The following IPO5 variants were observed in gnomAD, a reference collection of about 807,000 sequenced individuals.
IPO5 encodes importin-5.
Under a neutral mutation model 143.3 loss-of-function variants are expected in IPO5, and 18 were observed. That is an observed-to-expected ratio of 0.13 (90% CI 0.09 to 0.19). IPO5 has a LOEUF of 0.19. Ranked by LOEUF, IPO5 falls within the 10% of genes least tolerant of loss-of-function variation. IPO5 has a pLI of 1.00. For synonymous variants in IPO5, 477 were observed against 465.7 expected (o/e 1.02, Z -0.31); for missense variants, 1,013 against 1,336.9 (o/e 0.76, Z 3.78).
intron 27 of IPO5, 141 bp downstream of exon 27, chr13:98,019,950 T>C: frequency 1.7e-6 from 1 of 572,820 alleles, no homozygotes; most frequent in Non-Finnish European, 3.1e-6. Flanking sequence ...AGTGCTGTCT[T>C]TATAAATCAT....
intron 22 of IPO5, 97 bp downstream of exon 22, chr13:98,014,311 T>C: frequency 4.6e-6 from 4 of 863,270 alleles, no homozygotes; most frequent in Middle Eastern, 2.7e-4. Context: ...AGGGTATTGC[T>C]CTGTCACCCA....
At chr13:98,005,894 AT>A (rs1316926829) in intron 16 of IPO5, among the ~76,000 whole-genome samples, 1 of 152,178 alleles carries the variant, frequency 6.6e-6, no homozygotes, top group Non-Finnish European at 1.5e-5. Flanking sequence ...TGAGACTAAC[AT>A]GAGTTAGAGG....
intron 9 of IPO5, among the ~76,000 whole-genome samples, chr13:97,991,218 A>G (rs1887772309): frequency 6.6e-6 from 1 of 152,176 alleles, no homozygotes; most frequent in Non-Finnish European, 1.5e-5. Flanking sequence ...ATAATTTTTT[A>G]GAATATTAAT....
intron 21 of IPO5, among the ~76,000 whole-genome samples, chr13:98,013,038 C>T (rs1889843840): frequency 6.6e-6 from 1 of 151,866 alleles, no homozygotes; most frequent in South Asian, 2.1e-4. Flanking sequence ...AGCACCTTTG[C>T]GGGGAAACAT....
chr13:98,015,818 C>T (rs371603237), intron 24 of IPO5, 37 bp downstream of exon 24: 36 of 1,377,958 alleles, frequency 2.6e-5, no homozygotes, highest in Non-Finnish European at 3.2e-5. Context: ...TACGTGACCA[C>T]TTGCATCTGA....
chr13:98,008,995 TG>T (rs1416663415), intron 18 of IPO5, among the ~76,000 whole-genome samples: 4 of 152,230 alleles, frequency 2.6e-5, no homozygotes, highest in Admixed American at 2.0e-4. Context: ...ATGTTTTGTA[TG>T]TACAGAGATA....
At chr13:98,002,834 C>A in intron 15 of IPO5, 30 bp from the exon 16 acceptor site, 1 of 1,600,704 alleles carries the variant, frequency 6.2e-7, no homozygotes. Context: ...GACATTTCAA[C>A]ATGTGTGCCC....
At chr13:97,985,994 G>A (rs958504534) in intron 6 of IPO5, among the ~76,000 whole-genome samples, 1 of 152,062 alleles carries the variant, frequency 6.6e-6, no homozygotes, top group Admixed American at 6.6e-5. Flanking sequence ...TGCACCTGTA[G>A]TCCCAGTTAC....
chr13:98,006,718 G>C (rs1299101580), intron 17 of IPO5, among the ~76,000 whole-genome samples: 4 of 151,996 alleles, frequency 2.6e-5, no homozygotes, highest in Non-Finnish European at 5.9e-5. Flanking sequence ...ACTTGGCTGT[G>C]GAGGCATTGA....
intron 4 of IPO5, among the ~76,000 whole-genome samples, chr13:97,977,462 C>A (rs888477754): frequency 6.6e-6 from 1 of 152,312 alleles, no homozygotes; most frequent in South Asian, 2.1e-4. Context: ...AATACACTTA[C>A]TCTGCTCTTC....
chr13:97,992,903 C>T lies in IPO5; in HGVS notation c.681C>T (p.Asp227=), dbSNP rs1251196711. ...TTCATCTTTTCTAGGCGGTAAATGACTCGTGCTACCAGAATGATGATTCTG... is the reference window on the plus strand; with the variant it reads ...TTCATCTTTTCTAGGCGGTAAATGATTCGTGCTACCAGAATGATGATTCTG... ...LLPGFLQAVN[D]SCYQNDDSVL... is the part of the protein sequence containing the mutation. Residue 227 remains aspartate (D), a synonymous_variant, in exon 10 of 29, where the codon GAC becomes GAT. Transcript: ENST00000651721. 1 of 1,610,672 alleles carries T rather than the reference C, an allele frequency of 6.2e-7. No individual in the cohort carries two copies. The highest frequency in any genetic ancestry group is 1.1e-5 in the South Asian group (1 of 90,674).
intron 17 of IPO5, among the ~76,000 whole-genome samples, chr13:98,007,175 T>G (rs922151537): frequency 2.0e-5 from 3 of 152,188 alleles, no homozygotes; most frequent in Non-Finnish European, 4.4e-5. Context: ...TTAAGGTTTC[T>G]TTTTAGCTCA....
At chr13:97,960,781 A>G (rs1219375918) in intron 2 of IPO5, among the ~76,000 whole-genome samples, 1 of 151,840 alleles carries the variant, frequency 6.6e-6, no homozygotes, top group African/African-American at 2.4e-5. Context: ...CTGGTCTCGA[A>G]CTCCTGACCT....
chr13:97,982,547 C>G lies in IPO5; in HGVS notation c.135C>G (p.Leu45=). The G allele has an allele frequency of 6.2e-7, 1 of 1,612,724 alleles. No homozygotes were observed. The highest frequency in any genetic ancestry group is 8.5e-7 in the Non-Finnish European group (1 of 1,178,932). Residue 45 remains leucine, a synonymous_variant, in exon 5 of 29, where the codon CTC becomes CTG. Transcript: ENST00000651721. Reference sequence around the variant, plus strand: ...CAGGCCAGTCAAAGATCACATTCCTCTTACAAGCCATCAGAAATACAACAG... The same window carrying G: ...CAGGCCAGTCAAAGATCACATTCCTGTTACAAGCCATCAGAAATACAACAG... The part of the protein sequence containing the change: ...NIPGQSKITF[L]LQAIRNTTAA...
At chr13:97,981,188 A>T in intron 4 of IPO5, 1 of 442,782 alleles carries the variant, frequency 2.3e-6, no homozygotes. Flanking sequence ...TGGGAACTTG[A>T]GGTTATCAGA....
chr13:97,955,673 A>G (rs1211364811), intron 2 of IPO5, among the ~76,000 whole-genome samples: 1 of 152,024 alleles, frequency 6.6e-6, no homozygotes, highest in Non-Finnish European at 1.5e-5. Context: ...GTGCTGCCCA[A>G]CTCGCCCCAA....
In IPO5 at chr13:97,975,305, T is replaced by C. The variant is rs565351532; in HGVS notation, c.-4-1388T>C. ...GGAGTTCGAGACCAACTGGGCCAAC[T>C]TGGTGAAACCCCGTTTCTACTAAAA... On this transcript the variant is annotated intron_variant, in intron 3 of 28. Coordinates refer to ENST00000651721, the MANE Select transcript of IPO5 (RefSeq NM_002271.6). Among the ~76,000 whole-genome samples, 14 of 152,020 alleles carry C rather than the reference T, an allele frequency of 9.2e-5. No individual in the cohort carries two copies. The South Asian group carries it at 2.1e-3, about 23-fold the overall frequency.
chr13:97,959,759 G>A (rs1383155621), intron 2 of IPO5, among the ~76,000 whole-genome samples: 1 of 151,972 alleles, frequency 6.6e-6, no homozygotes, highest in Non-Finnish European at 1.5e-5. Flanking sequence ...TGTGTCCCTA[G>A]GGTATGACCC....
intron 2 of IPO5, among the ~76,000 whole-genome samples, chr13:97,968,217 A>C (rs1210781433): frequency 6.6e-6 from 1 of 152,144 alleles, no homozygotes; most frequent in African/African-American, 2.4e-5. Flanking sequence ...CTTGATTTCT[A>C]ATTTTATTCT....
Sources: gnomAD v4.1 joint callset for allele counts (sites outside exome capture counted in the v4.1 genomes callset) on GRCh38, gnomAD v4.1.1 for gene constraint, MANE v1.5 for transcripts, NCBI Gene and HGNC (gene_info 2026-07-23, HGNC 2026-07-21) for gene names.